CERT1: variants seen among roughly 807,000 people sequenced by gnomAD.
The protein encoded by CERT1 is ceramide transfer protein.
CERT1 carries 31 observed loss-of-function variants against 87.9 expected under a neutral mutation model. The observed-to-expected ratio is 0.35, with a 90% confidence interval of 0.27 to 0.48. The LOEUF (loss-of-function observed/expected upper bound fraction) is 0.48, where lower values mean the gene tolerates loss of function less well. Ranked by LOEUF, CERT1 falls within the 20% of genes least tolerant of loss-of-function variation. The probability of loss-of-function intolerance (pLI) is 0.99; values close to 1 mark genes in which losing one functional copy is unlikely to be tolerated. For missense variants in CERT1, 487 were observed against 758.0 expected (o/e 0.64, Z 4.20); for synonymous variants, 289 against 250.9 (o/e 1.15, Z -1.44).
chr5:75,443,811 T>C (rs1274680554), intron 3 of CERT1, among the ~76,000 whole-genome samples: 3 of 152,248 alleles, frequency 2.0e-5, no homozygotes, highest in African/African-American at 7.2e-5. Flanking sequence ...TGTTTCATAT[T>C]ATTTTGATGG....
chr5:75,497,329 A>G (rs1303248525), intron 2 of CERT1, among the ~76,000 whole-genome samples: 1 of 152,250 alleles, frequency 6.6e-6, no homozygotes, highest in Non-Finnish European at 1.5e-5. Flanking sequence ...ACTATGTGCC[A>G]AGAATTGTAC....
intron 3 of CERT1, among the ~76,000 whole-genome samples, chr5:75,431,637 G>A (rs191988870): frequency 1.4e-4 from 22 of 152,148 alleles, no homozygotes; most frequent in Admixed American, 5.9e-4. Context: ...TCATTATTTC[G>A]CTCTCACTTA....
downstream of CERT1, chr5:75,374,473 AAAG>A: frequency 1.4e-6 from 1 of 721,974 alleles, no homozygotes. Flanking sequence ...ATGACAAAGA[AAAG>A]AAGGAACAAT....
chr5:75,461,676 C>T (rs1267996652), intron 2 of CERT1, among the ~76,000 whole-genome samples: 2 of 152,130 alleles, frequency 1.3e-5, no homozygotes. Flanking sequence ...ACCATTTTCT[C>T]TGGCAAACAC....
At chr5:75,446,084 T>C (rs1764522361) in intron 3 of CERT1, among the ~76,000 whole-genome samples, 1 of 152,224 alleles carries the variant, frequency 6.6e-6, no homozygotes, top group Non-Finnish European at 1.5e-5. Flanking sequence ...GGCCATTATC[T>C]CTTTGAATAT....
chr5:75,454,568 G>A (rs1051625983), intron 3 of CERT1, among the ~76,000 whole-genome samples: 1 of 152,266 alleles, frequency 6.6e-6, no homozygotes, highest in Non-Finnish European at 1.5e-5. Flanking sequence ...AACTGCTAAC[G>A]AACATACAGT....
intron 2 of CERT1, among the ~76,000 whole-genome samples, chr5:75,466,142 A>G (rs1236802925): frequency 1.3e-5 from 2 of 152,246 alleles, no homozygotes; most frequent in East Asian, 3.9e-4. Context: ...GCTGCAAACT[A>G]TATTTCTCCT....
intron 9 of CERT1, chr5:75,402,331 CTAAA>C (rs1561236399): frequency 6.6e-6 from 1 of 152,054 alleles, no homozygotes; most frequent in African/African-American, 2.4e-5. Flanking sequence ...TTTACTTAGA[CTAAA>C]TATATGCTTT....
At position 75,417,099 on chromosome 5, in the gene CERT1, T is replaced by C. The variant is rs190200142; in HGVS notation, c.680-66A>G. 383 of 1,272,758 alleles carry C rather than the reference T, an allele frequency of 3.0e-4. 4 individuals carry two copies. In the South Asian group the frequency reaches 4.7e-3, roughly 16 times the overall value. The allele number at this position is 1,272,758 out of a possible 1,614,324, so 78.8% of individuals were successfully genotyped here. On this transcript the variant is annotated intron_variant, in intron 6 of 16. Transcript: ENST00000643780. ...GAAATAATTCATCACAATTTAAGAT[T>C]AGAAAATGTTTAGAAAATTAGCAAG...
At chr5:75,406,749 T>C (rs1762721812) in intron 8 of CERT1, among the ~76,000 whole-genome samples, 2 of 152,120 alleles carry the variant, frequency 1.3e-5, no homozygotes, top group African/African-American at 4.8e-5. Context: ...TTCACCATGT[T>C]GGCCAGGCTG....
At chr5:75,383,200 G>T (rs113542648) in intron 14 of CERT1, among the ~76,000 whole-genome samples, 7 of 151,970 alleles carry the variant, frequency 4.6e-5, no homozygotes, top group African/African-American at 1.7e-4. Flanking sequence ...CATACACTGC[G>T]AATGTAATGT....
intron 2 of CERT1, among the ~76,000 whole-genome samples, chr5:75,486,099 C>T (rs1300958698): frequency 6.6e-6 from 1 of 152,062 alleles, no homozygotes; most frequent in Non-Finnish European, 1.5e-5. Context: ...ATACAAAAAT[C>T]CTCAACAAAA....
At chr5:75,410,367 T>C (rs1049095938) in intron 8 of CERT1, among the ~76,000 whole-genome samples, 1 of 151,958 alleles carries the variant, frequency 6.6e-6, no homozygotes, top group Non-Finnish European at 1.5e-5. Flanking sequence ...GCCAGCACTT[T>C]GGGAGGCTGA....
intron 6 of CERT1, among the ~76,000 whole-genome samples, chr5:75,417,505 C>A (rs912067358): frequency 6.6e-6 from 1 of 152,062 alleles, no homozygotes; most frequent in Admixed American, 6.6e-5. Flanking sequence ...ATGCCTTTTA[C>A]GTTTCAATTT....
Position 75,487,119 on chromosome 5 carries a change from T to C in CERT1, c.231+18863A>G, listed in dbSNP as rs547528905. ...TATAGTAACCAAAACAGTTTGGTAC[T>C]GGCATATAAACAGATATACAGACCA... On this transcript the variant is annotated intron_variant, in intron 2 of 16. Transcript: ENST00000643780. Among the ~76,000 whole-genome samples, 123 of 152,272 alleles carry C rather than the reference T, an allele frequency of 8.1e-4. 1 individual carries two copies. The highest frequency in any genetic ancestry group is 6.8e-3 in the Middle Eastern group (2 of 294).
At chr5:75,498,780 C>G (rs1344316499) in intron 2 of CERT1, among the ~76,000 whole-genome samples, 3 of 152,246 alleles carry the variant, frequency 2.0e-5, no homozygotes, top group African/African-American at 7.2e-5. Flanking sequence ...CCCCCCCACC[C>G]CCACAATCCT....
intron 1 of CERT1, among the ~76,000 whole-genome samples, chr5:75,509,806 TACTACACAATGTGTTCAATA>T (rs1767833699): frequency 6.6e-6 from 1 of 152,190 alleles, no homozygotes; most frequent in African/African-American, 2.4e-5. Flanking sequence ...AATGTATACC[TACTACACAATGTGTTCAATA>T]GAGATTCCTA....
At chr5:75,459,859 A>G (rs766791663) in intron 2 of CERT1, among the ~76,000 whole-genome samples, 2 of 146,092 alleles carry the variant, frequency 1.4e-5, no homozygotes, top group Non-Finnish European at 3.0e-5. Flanking sequence ...GCTACTTGGG[A>G]GGCTGAGGCA....
chr5:75,395,300 A>T (rs1179288121), intron 11 of CERT1, among the ~76,000 whole-genome samples: 1 of 152,192 alleles, frequency 6.6e-6, no homozygotes, highest in Non-Finnish European at 1.5e-5. Context: ...GTACACCTGA[A>T]AATTATTTTC....
Sources: gnomAD v4.1 joint callset for allele counts (sites outside exome capture counted in the v4.1 genomes callset) on GRCh38, gnomAD v4.1.1 for gene constraint, MANE v1.5 for transcripts, NCBI Gene and HGNC (gene_info 2026-07-23, HGNC 2026-07-21) for gene names.